Variants in MAP2K4 observed in about 807,000 individuals in gnomAD.
The protein encoded by MAP2K4 is dual specificity mitogen-activated protein kinase kinase 4.
MAP2K4 carries 4 observed loss-of-function variants against 48.5 expected under a neutral mutation model. That is an observed-to-expected ratio of 0.08 (90% CI 0.04 to 0.19). The LOEUF is 0.19. MAP2K4 is among the 10% of genes least tolerant of loss of function. The probability of loss-of-function intolerance (pLI) is 1.00; values close to 1 mark genes in which losing one functional copy is unlikely to be tolerated. For synonymous variants in MAP2K4, 166 were observed against 173.1 expected (o/e 0.96, Z 0.32); for missense variants, 258 against 493.3 (o/e 0.52, Z 4.52).
chr17:12,132,390 C>T (rs1973057295), intron 9 of MAP2K4, among the ~76,000 whole-genome samples: 1 of 152,142 alleles, frequency 6.6e-6, no homozygotes, highest in Non-Finnish European at 1.5e-5. Flanking sequence ...TATATAGCAT[C>T]AGAGAAGATA....
intron 9 of MAP2K4, among the ~76,000 whole-genome samples, chr17:12,134,669 CAA>C (rs551354262): frequency 6.3e-3 from 956 of 152,186 alleles, no homozygotes; most frequent in Middle Eastern, 0.01. Flanking sequence ...CCAAATTAAA[CAA>C]GAGAGTAGAG....
intron 3 of MAP2K4, among the ~76,000 whole-genome samples, chr17:12,086,753 A>G (rs1253156739): frequency 6.6e-6 from 1 of 152,188 alleles, no homozygotes; most frequent in Non-Finnish European, 1.5e-5. Context: ...TTCTACCATC[A>G]CTTGGTTAAA....
At chr17:12,128,618 G>T (rs1567673933) in intron 8 of MAP2K4, among the ~76,000 whole-genome samples, 1 of 152,160 alleles carries the variant, frequency 6.6e-6, no homozygotes, top group Non-Finnish European at 1.5e-5. Context: ...GGTTGTGGTT[G>T]AAATTGTAGT....
chr17:12,084,133 T>A (rs1040872210), intron 3 of MAP2K4, among the ~76,000 whole-genome samples: 1 of 152,200 alleles, frequency 6.6e-6, no homozygotes, highest in African/African-American at 2.4e-5. Flanking sequence ...TTCCCCAAAT[T>A]TATTTTGCCA....
intron 1 of MAP2K4, among the ~76,000 whole-genome samples, chr17:12,040,925 A>G (rs1247545581): frequency 6.6e-6 from 1 of 152,210 alleles, no homozygotes; most frequent in Non-Finnish European, 1.5e-5. Context: ...TAACTAAATT[A>G]TTAAAGTCTC....
intron 1 of MAP2K4, among the ~76,000 whole-genome samples, chr17:12,044,152 C>T (rs1969885071): frequency 6.6e-6 from 1 of 152,132 alleles, no homozygotes; most frequent in Non-Finnish European, 1.5e-5. Context: ...AGGCAAAATA[C>T]AGTTATATTT....
chr17:12,122,489 C>T (rs1475920729), intron 7 of MAP2K4, among the ~76,000 whole-genome samples: 1 of 152,106 alleles, frequency 6.6e-6, no homozygotes, highest in African/African-American at 2.4e-5. Context: ...AAATATTTTC[C>T]AATATTTTGC....
At chr17:12,021,418 C>T (rs918778799) in intron 1 of MAP2K4, 4 of 152,014 alleles carry the variant, frequency 2.6e-5, no homozygotes, top group Admixed American at 2.0e-4. Flanking sequence ...TCCCTGACGC[C>T]GCTCAGGTAG....
At chr17:12,022,947 G>A (rs1969135944) in intron 1 of MAP2K4, among the ~76,000 whole-genome samples, 1 of 152,152 alleles carries the variant, frequency 6.6e-6, no homozygotes, top group South Asian at 2.1e-4. Context: ...AGCTTGGAGT[G>A]TTCTAGGAAC....
At chr17:12,100,201 C>T (rs1217782649) in intron 4 of MAP2K4, among the ~76,000 whole-genome samples, 1 of 152,202 alleles carries the variant, frequency 6.6e-6, no homozygotes, top group Admixed American at 6.5e-5. Flanking sequence ...AGTTTCCTTA[C>T]ACCACGTAGG....
intron 3 of MAP2K4, among the ~76,000 whole-genome samples, chr17:12,094,703 A>G (rs773726271): frequency 2.7e-5 from 4 of 150,514 alleles, no homozygotes; most frequent in Non-Finnish European, 4.5e-5. Context: ...TCTGTGTTCT[A>G]TACTGTTCCT....
chr17:12,111,344 A>G (rs998138481), intron 6 of MAP2K4, among the ~76,000 whole-genome samples: 1 of 152,200 alleles, frequency 6.6e-6, no homozygotes, highest in Admixed American at 6.5e-5. Flanking sequence ...GAACATCAGT[A>G]AATTTTATTT....
intron 1 of MAP2K4, among the ~76,000 whole-genome samples, chr17:12,029,769 A>G (rs1178237558): frequency 6.6e-6 from 1 of 152,152 alleles, no homozygotes; most frequent in South Asian, 2.1e-4. Flanking sequence ...TACAAAAACA[A>G]AAAACAAAAA....
intron 9 of MAP2K4, among the ~76,000 whole-genome samples, chr17:12,137,447 A>G (rs1973242183): frequency 6.6e-6 from 1 of 152,236 alleles, no homozygotes; most frequent in African/African-American, 2.4e-5. Context: ...GTGGTTGGAA[A>G]TAGAAGTCTT....
At chr17:12,067,663 C>T (rs1457497264) in intron 2 of MAP2K4, among the ~76,000 whole-genome samples, 1 of 152,154 alleles carries the variant, frequency 6.6e-6, no homozygotes, top group Non-Finnish European at 1.5e-5. Flanking sequence ...AGGGATATCT[C>T]ATAGAGTCCA....
chr17:12,126,720 A>G (rs1227592754), intron 8 of MAP2K4, among the ~76,000 whole-genome samples: 2 of 152,222 alleles, frequency 1.3e-5, no homozygotes, highest in African/African-American at 4.8e-5. Context: ...ACACACAAAC[A>G]TTCAGTCTCT....
chr17:12,100,212 T>C (rs895965305), intron 4 of MAP2K4, among the ~76,000 whole-genome samples: 5 of 152,200 alleles, frequency 3.3e-5, no homozygotes, highest in African/African-American at 1.2e-4. Context: ...ACCACGTAGG[T>C]AATACCTGCC....
intron 2 of MAP2K4, among the ~76,000 whole-genome samples, chr17:12,070,308 G>C (rs1037650100): frequency 2.6e-5 from 4 of 152,110 alleles, no homozygotes; most frequent in Non-Finnish European, 5.9e-5. Flanking sequence ...GCTATTACTT[G>C]CTGAAAGATA....
chr17:12,042,376 T>C (rs1178630460), intron 1 of MAP2K4, among the ~76,000 whole-genome samples: 1 of 152,116 alleles, frequency 6.6e-6, no homozygotes, highest in Admixed American at 6.6e-5. Context: ...GTAAAGTAAT[T>C]GGTCAGTTGG....
Sources: gnomAD v4.1 joint callset for allele counts (sites outside exome capture counted in the v4.1 genomes callset) on GRCh38, gnomAD v4.1.1 for gene constraint, MANE v1.5 for transcripts, NCBI Gene and HGNC (gene_info 2026-07-23, HGNC 2026-07-21) for gene names.